The following NAA15 variants were observed in gnomAD, a reference collection of about 807,000 sequenced individuals.
The protein encoded by NAA15 is N-terminal acetyltransferase.
NAA15 carries 34 observed loss-of-function variants against 114.0 expected under a neutral mutation model. The observed-to-expected ratio is 0.30, with a 90% CI of 0.23 to 0.40. The LOEUF (loss-of-function observed/expected upper bound fraction) is 0.40, where lower values mean the gene tolerates loss of function less well. Among genes scored for constraint, NAA15 ranks in the 10% least tolerant of loss-of-function variants. The pLI, the probability that NAA15 is intolerant of heterozygous loss-of-function variation, is 1.00. For synonymous variants in NAA15, 340 were observed against 338.0 expected, an observed-to-expected ratio of 1.01 and a Z score of -0.06; for missense variants, 658 against 1,004.5, an observed-to-expected ratio of 0.66 and a Z score of 4.66.
chr4:139,355,568 A>T (rs1250583954), intron 10 of NAA15, among the ~76,000 whole-genome samples: 1 of 152,136 alleles, frequency 6.6e-6, no homozygotes, highest in Non-Finnish European at 1.5e-5. Context: ...TTAAAATTTT[A>T]AAAAATTAAA....
intron 4 of NAA15, among the ~76,000 whole-genome samples, chr4:139,341,721 A>T (rs1159225757): frequency 3.8e-4 from 57 of 150,618 alleles, no homozygotes; most frequent in African/African-American, 6.1e-4. Context: ...ACAAAAAAAA[A>T]ATTTTTTTTT....
intron 3 of NAA15, among the ~76,000 whole-genome samples, chr4:139,339,805 G>C (rs1747324421): frequency 6.6e-6 from 1 of 151,940 alleles, no homozygotes; most frequent in Non-Finnish European, 1.5e-5. Flanking sequence ...CAATTACTTT[G>C]GTAGGAGAAT....
chr4:139,318,441 C>T (rs1746484855), intron 1 of NAA15: 1 of 152,002 alleles, frequency 6.6e-6, no homozygotes, highest in South Asian at 2.1e-4. Flanking sequence ...TAGCATGGCC[C>T]TTGCACAAGG....
At chr4:139,334,321 C>A in intron 2 of NAA15, 63 bp downstream of exon 2, 1 of 1,068,122 alleles carries the variant, frequency 9.4e-7, no homozygotes, top group Non-Finnish European at 1.4e-6. Flanking sequence ...GGATTGTATT[C>A]TTCCCAGCTG....
At position 139,376,281 on chromosome 4, in the gene NAA15, T is replaced by A. The variant is rs1748577885; in HGVS notation, c.1948-84T>A. ...GTGACTGGTAAGTGATTTTATTTTT[T>A]AAAAATAAGAATTTTTAGTAGAATA... On this transcript the variant is annotated intron_variant, in intron 15 of 19. Transcript: ENST00000296543. 19 of 864,114 alleles carry A rather than the reference T, an allele frequency of 2.2e-5. 1 individual carries two copies. Among genetic ancestry groups the A allele is most frequent in the South Asian group, 1.9e-4 (11 of 59,300 alleles). 53.5% of individuals were successfully genotyped at this position (864,114 alleles called of 1,614,324 possible). A position where few individuals can be genotyped will look rare whatever the true frequency, so the allele number is the denominator to read the frequency against.
chr4:139,370,388 C>G lies in NAA15; in HGVS notation c.1931C>G (p.Pro644Arg). The part of the protein sequence containing the change: ...EIGGPKEELI[P>R]EKLAKVETPL... ...GGAGGTCCAAAAGAAGAACTTATTC[C>G]AGAGAAACTGGCCAAGGTACTTAAT... The change falls in exon 15 of 20, where the codon CCA (proline) becomes CGA (arginine). Residue 644 changes from proline to arginine, a missense_variant. Transcript: ENST00000296543. The G allele has an allele frequency of 1.3e-6, 2 of 1,576,172 alleles. No individual in the cohort carries two copies. The highest frequency in any genetic ancestry group is 1.7e-6 in the Non-Finnish European group (2 of 1,169,822).
chr4:139,306,791 T>A (rs1335836259), intron 1 of NAA15, among the ~76,000 whole-genome samples: 2 of 152,170 alleles, frequency 1.3e-5, no homozygotes, highest in African/African-American at 4.8e-5. Context: ...AAAATGAGGT[T>A]GCCAGAGTAG....
At chr4:139,334,420 C>G (rs905873869) in intron 2 of NAA15, among the ~76,000 whole-genome samples, 162 bp downstream of exon 2, 2 of 152,074 alleles carry the variant, frequency 1.3e-5, no homozygotes, top group Non-Finnish European at 2.9e-5. Flanking sequence ...AATTTAATAT[C>G]AAGAAAATGA....
chr4:139,350,381 C>G (rs991056807), intron 7 of NAA15, among the ~76,000 whole-genome samples: 7 of 152,172 alleles, frequency 4.6e-5, no homozygotes, highest in Admixed American at 2.6e-4. Context: ...TTGCCAGGGT[C>G]ACGTAAATGT....
intron 13 of NAA15, among the ~76,000 whole-genome samples, chr4:139,361,503 G>A (rs1579123523): frequency 6.6e-6 from 1 of 152,148 alleles, no homozygotes; most frequent in East Asian, 1.9e-4. Flanking sequence ...TTCAACAAAT[G>A]ATTCTGTGCC....
chr4:139,384,905 A>C lies in NAA15; in HGVS notation c.2229A>C (p.Gly743=). Residue 743 remains glycine (G), a synonymous_variant, in exon 18 of 20, where the codon GGA becomes GGC. Transcript: ENST00000296543. ...VLKQEMNRLF[G]ATNPKNFNET... ...AACAAGAAATGAATCGTCTTTTTGG[A>C]GCAACGAATCCAAAGAATTTTAATG... is the stretch of plus-strand genomic sequence containing the variant. The C allele has an allele frequency of 6.4e-7, 1 of 1,562,250 alleles. No individual in the cohort carries two copies. Among genetic ancestry groups the C allele is most frequent in the Non-Finnish European group, 8.7e-7 (1 of 1,153,602 alleles).
chr4:139,360,510 C>T lies in NAA15; in HGVS notation c.1421C>T (p.Ser474Leu). ...TTGATTTCTGTATAGGAAGGAACAT[C>T]AGCGGTAGAGAATTTGAATGAAATG... is the stretch of plus-strand genomic sequence containing the variant. ...MCSKFTREGT[S>L]AVENLNEMQC... The change falls in exon 13 of 20, where the codon TCA (serine) becomes TTA (leucine). Residue 474 changes from serine (S) to leucine (L), a missense_variant. Around this residue, in one of 6 missense-constraint regions of NAA15, gnomAD observed 281 missense variants for 389.1 expected, o/e 0.72. Coordinates refer to ENST00000296543, the MANE Select transcript of NAA15 (RefSeq NM_057175.5). 6.3e-7 allele frequency: 1 copy of T among 1,586,832 alleles called. No homozygotes were observed. Among genetic ancestry groups the T allele is most frequent in the Non-Finnish European group, 8.6e-7 (1 of 1,168,076 alleles).
intron 1 of NAA15, among the ~76,000 whole-genome samples, chr4:139,317,290 C>T (rs1746441950): frequency 6.6e-6 from 1 of 151,734 alleles, no homozygotes; most frequent in African/African-American, 2.4e-5. Flanking sequence ...TTTTCTTGGC[C>T]TGTATGGTTT....
At chr4:139,380,055 C>T (rs1293789775) in intron 17 of NAA15, among the ~76,000 whole-genome samples, 3 of 152,160 alleles carry the variant, frequency 2.0e-5, no homozygotes, top group Non-Finnish European at 2.9e-5. Context: ...AAAAAAACAA[C>T]AACAACATCG....
chr4:139,354,501 G>A (rs1308421069), intron 10 of NAA15, among the ~76,000 whole-genome samples: 1 of 151,870 alleles, frequency 6.6e-6, no homozygotes. Context: ...GTCTCACTTT[G>A]TTGCCCAGGC....
intron 14 of NAA15, among the ~76,000 whole-genome samples, chr4:139,369,854 G>A (rs1163320931): frequency 6.6e-6 from 1 of 151,870 alleles, no homozygotes; most frequent in South Asian, 2.1e-4. Context: ...TCCTAGGCTG[G>A]AGTGTAGTGG....
chr4:139,325,123 T>G (rs1746753631), intron 1 of NAA15, among the ~76,000 whole-genome samples: 1 of 152,016 alleles, frequency 6.6e-6, no homozygotes, highest in African/African-American at 2.4e-5. Flanking sequence ...GCGGGGGGTT[T>G]AGTTTTTAAT....
chr4:139,338,468 A>T (rs1187999543), intron 3 of NAA15, among the ~76,000 whole-genome samples: 20 of 151,622 alleles, frequency 1.3e-4, no homozygotes, highest in Admixed American at 2.0e-4. Context: ...TTTTTTTTAG[A>T]TGGAGTTTTG....
chr4:139,317,785 C>G lies in NAA15; in HGVS notation c.54+15954C>G, dbSNP rs545660116. ...ATAATTGGTTATACTTCTGTTTTAC[C>G]CCATTGTTCTCTCTTCAAACTCTCT... On this transcript the variant is annotated intron_variant, in intron 1 of 19. Coordinates refer to ENST00000296543, the MANE Select transcript of NAA15 (RefSeq NM_057175.5). Among the ~76,000 whole-genome samples the G allele has an allele frequency of 5.3e-5, 8 of 152,022 alleles. No individual in the cohort carries two copies. The South Asian group carries it at 1.2e-3, about 24-fold the overall frequency.
Sources: gnomAD v4.1 joint callset for allele counts (sites outside exome capture counted in the v4.1 genomes callset) on GRCh38, gnomAD v4.1.1 for gene constraint, gnomAD v4.1.1 regional missense constraint, MANE v1.5 for transcripts, NCBI Gene and HGNC (gene_info 2026-07-23, HGNC 2026-07-21) for gene names.